The following TNIK variants were observed in gnomAD, a reference collection of about 807,000 sequenced individuals.
The protein encoded by TNIK is TRAF2 and NCK-interacting protein kinase.
In TNIK, 49 loss-of-function variants were observed where a neutral mutation model predicts 191.3. The ratio of observed to expected loss-of-function variants is 0.26; its 90% CI spans 0.20 to 0.32. TNIK has a LOEUF of 0.32. TNIK is among the 10% of genes least tolerant of loss of function. The pLI is 1.00. For synonymous variants in TNIK, 594 were observed against 600.9 expected (o/e 0.99, Z 0.17); for missense variants, 1,155 against 1,702.3 (o/e 0.68, Z 5.66).
rs74383396 is a variant in TNIK, at chr3:171,424,872, C to T, written c.57+35135G>A. ...GGGGGAGGGATAGCATTAGGAGATACACCTAATGTTAAATGACAAGTTAAT... is the reference window on the plus strand; with the variant it reads ...GGGGGAGGGATAGCATTAGGAGATATACCTAATGTTAAATGACAAGTTAAT... On this transcript the variant is annotated intron_variant, in intron 1 of 32. Transcript: ENST00000436636. Among the ~76,000 whole-genome samples, 138 of 150,942 alleles carry T rather than the reference C, an allele frequency of 9.1e-4. 1 individual carries two copies. The East Asian group carries it at 0.017, about 18-fold the overall frequency.
chr3:171,082,429 T>G, intron 26 of TNIK, 35 bp from the exon 27 acceptor site: 1 of 1,599,630 alleles, frequency 6.3e-7, no homozygotes, highest in Non-Finnish European at 8.5e-7. Flanking sequence ...GACTGACTTT[T>G]CATGAACTTT....
chr3:171,431,735 G>T (rs949929360), intron 1 of TNIK, among the ~76,000 whole-genome samples: 2 of 152,010 alleles, frequency 1.3e-5, no homozygotes, highest in African/African-American at 2.4e-5. Context: ...TTTACAGATA[G>T]GAAAACTGAG....
At chr3:171,108,251 C>T (rs1363443404) in intron 19 of TNIK, 89 bp from the exon 20 acceptor site, 4 of 1,034,994 alleles carry the variant, frequency 3.9e-6, no homozygotes, top group Non-Finnish European at 5.4e-6. Flanking sequence ...GATGTGTCAT[C>T]ACATTGAGAT....
chr3:171,439,783 C>G (rs1253883520), intron 1 of TNIK, among the ~76,000 whole-genome samples: 2 of 152,170 alleles, frequency 1.3e-5, no homozygotes, highest in East Asian at 3.8e-4. Flanking sequence ...CCACAAATTC[C>G]TCGCTGAAAG....
Position 171,101,651 on chromosome 3 carries a change from G to C in TNIK, c.2407-18C>G. 1 of 1,610,578 alleles carries C rather than the reference G, an allele frequency of 6.2e-7. No individual in the cohort carries two copies. Among genetic ancestry groups the C allele is most frequent in the Non-Finnish European group, 8.5e-7 (1 of 1,178,666 alleles). On this transcript the variant is annotated intron_variant, in intron 21 of 32. Coordinates refer to ENST00000436636, the MANE Select transcript of TNIK (RefSeq NM_015028.4). Reference sequence around the variant, plus strand: ...GTCAGATCCTATGAAAGAAAAATTTGTTCAGCATATGAGTGGTAGATACGA... The same window carrying C: ...GTCAGATCCTATGAAAGAAAAATTTCTTCAGCATATGAGTGGTAGATACGA...
At chr3:171,172,253 G>A (rs1191491664) in intron 9 of TNIK, among the ~76,000 whole-genome samples, 5 of 152,196 alleles carry the variant, frequency 3.3e-5, no homozygotes, top group Non-Finnish European at 7.3e-5. Flanking sequence ...TCATGGCCCT[G>A]TCTCAACAAT....
At chr3:171,394,013 T>C (rs1177294860) in intron 1 of TNIK, among the ~76,000 whole-genome samples, 1 of 152,258 alleles carries the variant, frequency 6.6e-6, no homozygotes, top group Non-Finnish European at 1.5e-5. Flanking sequence ...TTACAATCAA[T>C]TGCACATGCC....
intron 2 of TNIK, among the ~76,000 whole-genome samples, chr3:171,365,532 G>A (rs1715616459): frequency 2.0e-5 from 3 of 152,054 alleles, no homozygotes; most frequent in African/African-American, 7.2e-5. Flanking sequence ...ATTTTAAATA[G>A]CTCTAGAGGT....
chr3:171,288,140 G>C (rs547304535), intron 2 of TNIK, among the ~76,000 whole-genome samples: 1 of 137,052 alleles, frequency 7.3e-6, no homozygotes, highest in East Asian at 2.2e-4. Flanking sequence ...GACACAGGAA[G>C]GGGAATATCA....
In TNIK at chr3:171,433,937, C is replaced by CT. The variant is rs67036993; in HGVS notation, c.57+26069dup. The stretch of plus-strand genomic sequence containing the variant: ...GAATATCTGTTTTCTTTTCTTTTTC[C>CT]TTTTTTTTTTTTTTTTTTTTTTTTT... On this transcript the variant is annotated intron_variant, in intron 1 of 32. Transcript: ENST00000436636. Among the ~76,000 whole-genome samples, 485 of 71,160 alleles carry CT rather than the reference C, an allele frequency of 6.8e-3. 46 individuals are homozygous for CT. The highest frequency in any genetic ancestry group is 0.038 in the East Asian group (81 of 2,120). The allele number at this position is 71,160 out of a possible 152,430, so 46.7% of individuals were successfully genotyped here.
chr3:171,354,841 C>T lies in TNIK; in HGVS notation c.123+14779G>A, dbSNP rs1170006918. 2.6e-5 allele frequency among the ~76,000 whole-genome samples: 4 copies of T among 152,322 alleles called. No individual in the cohort carries two copies. In the East Asian group the frequency reaches 7.7e-4, roughly 29 times the overall value. ...TTAGGCCAAATTTCAAAGAGCACAT[C>T]TGACCATAGTATTACTCATCAACTT... On this transcript the variant is annotated intron_variant, in intron 2 of 32. Transcript: ENST00000436636.
intron 12 of TNIK, among the ~76,000 whole-genome samples, chr3:171,153,633 A>G (rs1732761449): frequency 6.6e-6 from 1 of 152,206 alleles, no homozygotes; most frequent in Non-Finnish European, 1.5e-5. Flanking sequence ...CAGCAGCCCA[A>G]GTTTCATTTG....
Position 171,136,875 on chromosome 3 carries a change from A to C in TNIK, c.1608+1316T>G, listed in dbSNP as rs945708178. 6.0e-4 allele frequency among the ~76,000 whole-genome samples: 92 copies of C among 152,194 alleles called. 1 individual carries two copies. Among genetic ancestry groups the C allele is most frequent in the African/African-American group, 2.2e-3 (90 of 41,438 alleles). On this transcript the variant is annotated intron_variant, in intron 15 of 32. Coordinates refer to ENST00000436636, the MANE Select transcript of TNIK (RefSeq NM_015028.4). The stretch of plus-strand genomic sequence containing the variant: ...GCTGTACCTGGGAGTAGGATCACAA[A>C]ATTGAATTACTGATCTAAGAGAAAG...
intron 17 of TNIK, among the ~76,000 whole-genome samples, chr3:171,125,244 G>C (rs1037824601): frequency 7.2e-5 from 11 of 152,188 alleles, no homozygotes; most frequent in Non-Finnish European, 1.0e-4. Context: ...GTTGTTTGTA[G>C]CTAGATGCAC....
At chr3:171,203,380 T>C (rs1287764508) in intron 4 of TNIK, among the ~76,000 whole-genome samples, 1 of 152,166 alleles carries the variant, frequency 6.6e-6, no homozygotes, top group Non-Finnish European at 1.5e-5. Flanking sequence ...GGGCAAGTAA[T>C]GTGAATACAT....
chr3:171,396,316 C>T lies in TNIK; in HGVS notation c.58-26631G>A, dbSNP rs555238927. Among the ~76,000 whole-genome samples the T allele has an allele frequency of 3.3e-5, 5 of 152,286 alleles. No individual in the cohort carries two copies. The East Asian group carries it at 7.7e-4, about 23-fold the overall frequency. ...TCCTTTTTATGGCCAAGCAACATGC[C>T]ATTGTTTGGAGACACCAAACTTTAT... On this transcript the variant is annotated intron_variant, in intron 1 of 32. Transcript: ENST00000436636.
intron 3 of TNIK, among the ~76,000 whole-genome samples, chr3:171,219,612 A>G (rs1342913182): frequency 6.6e-6 from 1 of 152,290 alleles, no homozygotes; most frequent in South Asian, 2.1e-4. Context: ...AAAAGAAGAC[A>G]TTTATGCAAC....
rs1474128035 is a variant in TNIK at position 171,140,431 on chromosome 3, C to T, written c.1300G>A (p.Glu434Lys). Residue 434 changes from glutamate to lysine, a missense_variant, in exon 13 of 33, where the codon GAG becomes AAG. Physicochemically the swap from Glu to Lys is moderately conservative, Grantham distance 56. This residue lies in a region of TNIK where 735 missense variants were observed against 848.0 expected (regional missense o/e 0.87). Coordinates refer to ENST00000436636, the MANE Select transcript of TNIK (RefSeq NM_015028.4). ...RRHYEEQMRR[E>K]EERRRAEHEQ... is the part of the protein sequence containing the mutation. ...TGCTCCGCACGCCTCCTCTCCTCCT[C>T]CCGGCGCATCTGCTCCTCATAGTGC... 1 of 1,608,496 alleles carries T rather than the reference C, an allele frequency of 6.2e-7. No homozygotes were observed. Among genetic ancestry groups the T allele is most frequent in the Non-Finnish European group, 8.5e-7 (1 of 1,177,390 alleles).
At chr3:171,262,028 G>T (rs760501487) in intron 2 of TNIK, among the ~76,000 whole-genome samples, 1 of 152,080 alleles carries the variant, frequency 6.6e-6, no homozygotes, top group Non-Finnish European at 1.5e-5. Context: ...CCAGCAGCGG[G>T]GTCAGTGGTT....
Sources: gnomAD v4.1 joint callset for allele counts (sites outside exome capture counted in the v4.1 genomes callset) on GRCh38, gnomAD v4.1.1 for gene constraint, gnomAD v4.1.1 regional missense constraint, MANE v1.5 for transcripts, NCBI Gene and HGNC (gene_info 2026-07-23, HGNC 2026-07-21) for gene names.